The following MANEA variants were observed in gnomAD, a reference collection of about 807,000 sequenced individuals.
MANEA encodes glycoprotein endo-alpha-1,2-mannosidase.
A neutral mutation model predicts 36.8 loss-of-function variants in MANEA; 25 were observed. The observed-to-expected ratio is 0.68, with a 90% CI of 0.50 to 0.95. The LOEUF (loss-of-function observed/expected upper bound fraction) is 0.95. Ranked by LOEUF, MANEA falls within the 40% of genes least tolerant of loss-of-function variation. The pLI is 0.00. For synonymous variants in MANEA, 198 were observed against 188.5 expected (o/e 1.05, Z -0.41); for missense variants, 565 against 558.8 (o/e 1.01, Z -0.11).
intron 1 of MANEA, among the ~76,000 whole-genome samples, chr6:95,581,828 T>C (rs901593925): frequency 2.0e-5 from 3 of 152,144 alleles, no homozygotes; most frequent in African/African-American, 7.2e-5. Flanking sequence ...CTTCCAACAT[T>C]CATTACCATT....
At chr6:95,591,991 C>T (rs189928637) in intron 2 of MANEA, among the ~76,000 whole-genome samples, 29 of 152,320 alleles carry the variant, frequency 1.9e-4, no homozygotes, top group Non-Finnish European at 3.8e-4. Context: ...CGTCAGCCAC[C>T]GTGTCCAGCC....
In MANEA at chr6:95,585,647, T is replaced by TA. The variant is rs551584097; in HGVS notation, c.-38-754dup. 3.7e-4 allele frequency among the ~76,000 whole-genome samples: 57 copies of TA among 152,366 alleles called. No individual in the cohort carries two copies. The East Asian group carries it at 5.4e-3, about 14-fold the overall frequency. ...TTTTTTGAAAAAATTGGGAATATCT[T>TA]ACTTGTGATTATTCTTTTTTTCTCT... On this transcript the variant is annotated intron_variant, in intron 1 of 4. Coordinates refer to ENST00000358812, the MANE Select transcript of MANEA (RefSeq NM_024641.4).
intron 1 of MANEA, among the ~76,000 whole-genome samples, chr6:95,582,424 C>A (rs1769200613): frequency 6.6e-6 from 1 of 152,078 alleles, no homozygotes; most frequent in African/African-American, 2.4e-5. Flanking sequence ...ACCTCGTGAT[C>A]TGCCTGCCTC....
chr6:95,604,573 T>C (rs1200235225), intron 3 of MANEA, among the ~76,000 whole-genome samples: 2 of 152,014 alleles, frequency 1.3e-5, no homozygotes, highest in African/African-American at 2.4e-5. Flanking sequence ...TGTCTATCTT[T>C]GATTACCTCA....
In MANEA at chr6:95,606,336, C is replaced by A. The variant is rs760689450; in HGVS notation, c.1320C>A (p.Arg440=). Reference sequence around the variant, plus strand: ...CAGGTCTTTACCTAGAACTGACTCGCAAGTGGTCTGAAAAATACAGTAAGG... The same window carrying A: ...CAGGTCTTTACCTAGAACTGACTCGAAAGTGGTCTGAAAAATACAGTAAGG... ...HKPGLYLELT[R]KWSEKYSKER... Residue 440 remains arginine (R), a synonymous_variant, in exon 5 of 5, where the codon CGC becomes CGA. Coordinates refer to ENST00000358812, the MANE Select transcript of MANEA (RefSeq NM_024641.4). 4.7e-5 allele frequency: 76 copies of A among 1,609,008 alleles called. 1 individual carries two copies. In the South Asian group the frequency reaches 8.0e-4, roughly 17 times the overall value.
intron 2 of MANEA, among the ~76,000 whole-genome samples, chr6:95,595,724 A>G (rs926924300): frequency 6.6e-6 from 1 of 152,114 alleles, no homozygotes; most frequent in African/African-American, 2.4e-5. Flanking sequence ...GAGGCTTTGA[A>G]TTAATTCATC....
rs967334050 is a variant in MANEA at position 95,593,101 on chromosome 6, A to G, written c.545-3636A>G. On this transcript the variant is annotated intron_variant, in intron 2 of 4. Transcript: ENST00000358812. ...ATTAGGATGACAGAAATACAGAGTA[A>G]TAGATTTTACTTATAAGTGATACTC... 2.6e-4 allele frequency among the ~76,000 whole-genome samples: 40 copies of G among 152,298 alleles called. 1 individual carries two copies. Among genetic ancestry groups the G allele is most frequent in the African/African-American group, 8.4e-4 (35 of 41,558 alleles).
intron 1 of MANEA, among the ~76,000 whole-genome samples, chr6:95,581,043 C>T (rs1769170234): frequency 6.6e-6 from 1 of 152,124 alleles, no homozygotes; most frequent in Non-Finnish European, 1.5e-5. Context: ...ATTTCATCCT[C>T]ACAAAAATCC....
rs1445607528 is a variant in MANEA at position 95,597,337 on chromosome 6, T to G, written c.654+491T>G. On this transcript the variant is annotated intron_variant, in intron 3 of 4. Coordinates refer to ENST00000358812, the MANE Select transcript of MANEA (RefSeq NM_024641.4). Reference sequence around the variant, plus strand: ...TATATTTGATGCAGAAATTAATGTGTGTTGCAAATGAGGGAACACTTCTGA... The same window carrying G: ...TATATTTGATGCAGAAATTAATGTGGGTTGCAAATGAGGGAACACTTCTGA... Among the ~76,000 whole-genome samples the G allele has an allele frequency of 4.6e-5, 7 of 152,190 alleles. No homozygotes were observed. In the East Asian group the frequency reaches 1.3e-3, roughly 29 times the overall value.
intron 2 of MANEA, chr6:95,588,363 A>G (rs1408390109): frequency 6.6e-6 from 1 of 152,120 alleles, no homozygotes; most frequent in African/African-American, 2.4e-5. Context: ...GATATGTGCA[A>G]GATGAGTTGT....
intron 3 of MANEA, among the ~76,000 whole-genome samples, chr6:95,602,936 C>T (rs1368667659): frequency 1.4e-5 from 2 of 144,400 alleles, no homozygotes; most frequent in Non-Finnish European, 3.0e-5. Flanking sequence ...AGGAGAATGG[C>T]GTGAACCCGG....
In MANEA at chr6:95,586,819, T is replaced by G. The variant is rs1231737816; in HGVS notation, c.380T>G (p.Val127Gly). The change falls in exon 2 of 5, where the codon GTG becomes GGG. Residue 127 changes from valine to glycine, a missense_variant. Coordinates refer to ENST00000358812, the MANE Select transcript of MANEA (RefSeq NM_024641.4). ...DGKYIHWNHP[V>G]LEHWDPRIAK... ...AAATATATACATTGGAATCATCCAG[T>G]GTTAGAGCATTGGGACCCTAGAATA... 1.9e-6 allele frequency: 3 copies of G among 1,613,816 alleles called. No homozygotes were observed. Among genetic ancestry groups the G allele is most frequent in the Non-Finnish European group, 2.5e-6 (3 of 1,179,916 alleles).
At chr6:95,582,828 T>C (rs1314048881) in intron 1 of MANEA, among the ~76,000 whole-genome samples, 1 of 152,204 alleles carries the variant, frequency 6.6e-6, no homozygotes, top group African/African-American at 2.4e-5. Flanking sequence ...TGTATGAATA[T>C]GTGTGTATTT....
chr6:95,586,699 A>G lies in MANEA; in HGVS notation c.260A>G (p.Lys87Arg), dbSNP rs200323235. ...GTTGAAATCACTATGAAACCTTCCA[A>G]AGCCTCTGAACTTAACTTGGATGAA... Reference protein sequence around the residue: ...KSVEITMKPSKASELNLDELP... With the variant: ...KSVEITMKPSRASELNLDELP... The change falls in exon 2 of 5, where the codon AAA becomes AGA. Residue 87 changes from lysine (K) to arginine (R), a missense_variant. By Grantham distance (26) the Lys-to-Arg change is conservative (BLOSUM62 2). Transcript: ENST00000358812. 175 of 1,613,934 alleles carry G rather than the reference A, an allele frequency of 1.1e-4. No homozygotes were observed. Among genetic ancestry groups the G allele is most frequent in the Middle Eastern group, 1.6e-4 (1 of 6,082 alleles).
Position 95,608,157 on chromosome 6 carries a change from A to G in MANEA, c.*1752A>G, listed in dbSNP as rs1261087140. The G allele has an allele frequency of 2.0e-5, 3 of 151,902 alleles. No homozygotes were observed. The highest frequency in any genetic ancestry group is 4.4e-5 in the Non-Finnish European group (3 of 67,806). The allele number at this position is 151,902 out of a possible 1,614,324, so 9.4% of individuals were successfully genotyped here. ...AGCAAGCACTTACATGGTAATCACT[A>G]TATAGATCCAACCTGTGGATTTTCT... On this transcript the variant is annotated 3_prime_UTR_variant, in exon 5 of 5. Coordinates refer to ENST00000358812, the MANE Select transcript of MANEA (RefSeq NM_024641.4).
chr6:95,592,545 GC>G (rs1769403332), intron 2 of MANEA, among the ~76,000 whole-genome samples: 2 of 152,162 alleles, frequency 1.3e-5, no homozygotes, highest in Admixed American at 1.3e-4. Flanking sequence ...AAATGAGCTT[GC>G]CTTTTTTTCT....
Position 95,606,153 on chromosome 6 carries a change from G to C in MANEA, c.1137G>C (p.Gly379=). 3 of 1,614,090 alleles carry C rather than the reference G, an allele frequency of 1.9e-6. No homozygotes were observed. The highest frequency in any genetic ancestry group is 2.5e-6 in the Non-Finnish European group (3 of 1,179,984). ...AAAACACTCGGAACCGAATCAATGG[G>C]AAGTATTATGAAATTGGTCTGAGTG... ...NTQNTRNRIN[G]KYYEIGLSAA... Residue 379 remains glycine, a synonymous_variant, in exon 5 of 5, where the codon GGG becomes GGC. Coordinates refer to ENST00000358812, the MANE Select transcript of MANEA (RefSeq NM_024641.4).
At chr6:95,594,926 C>T (rs944164573) in intron 2 of MANEA, among the ~76,000 whole-genome samples, 3 of 152,116 alleles carry the variant, frequency 2.0e-5, no homozygotes, top group Non-Finnish European at 4.4e-5. Context: ...ACATTTCTTA[C>T]TCTCTTCAGC....
chr6:95,580,182 G>A (rs989124475), intron 1 of MANEA, among the ~76,000 whole-genome samples: 16 of 151,354 alleles, frequency 1.1e-4, no homozygotes, highest in African/African-American at 2.9e-4. Context: ...GTGTGTATAC[G>A]GTCAGTAGTC....
Sources: gnomAD v4.1 joint callset for allele counts (sites outside exome capture counted in the v4.1 genomes callset) on GRCh38, gnomAD v4.1.1 for gene constraint, MANE v1.5 for transcripts, NCBI Gene and HGNC (gene_info 2026-07-23, HGNC 2026-07-21) for gene names.